FYN: variants seen among roughly 807,000 people sequenced by gnomAD.
FYN encodes FYN proto-oncogene, Src family tyrosine kinase, also known as tyrosine-protein kinase Fyn.
FYN carries 10 observed loss-of-function variants against 70.2 expected under a neutral mutation model. That is an observed-to-expected ratio of 0.14 (90% CI 0.09 to 0.24). The LOEUF is 0.24. FYN is among the 10% of genes least tolerant of loss of function. The pLI is 1.00. For synonymous variants in FYN, 236 were observed against 248.6 expected (o/e 0.95, Z 0.48); for missense variants, 319 against 673.1 (o/e 0.47, Z 5.82).
At chr6:111,679,639 C>T (rs1344342685) in intron 12 of FYN, among the ~76,000 whole-genome samples, 1 of 152,108 alleles carries the variant, frequency 6.6e-6, no homozygotes, top group East Asian at 1.9e-4. Context: ...GAGTCTTCTA[C>T]TTGTCCTTGG....
chr6:111,826,368 G>GTATGTGTATATGTATATGTATGTGTA (rs1306877651), intron 2 of FYN, among the ~76,000 whole-genome samples: 1 of 147,558 alleles, frequency 6.8e-6, no homozygotes, highest in Non-Finnish European at 1.5e-5. Context: ...GTGTATATGT[G>GTATGTGTATATGTATATGTATGTGTA]TATGTATGTG....
intron 2 of FYN, among the ~76,000 whole-genome samples, chr6:111,838,764 T>C (rs1773265316): frequency 2.0e-5 from 3 of 152,214 alleles, no homozygotes; most frequent in Admixed American, 1.3e-4. Context: ...TTGCTTTCAA[T>C]TGTAAATAAT....
At chr6:111,837,047 G>C (rs1247025031) in intron 2 of FYN, among the ~76,000 whole-genome samples, 1 of 152,032 alleles carries the variant, frequency 6.6e-6, no homozygotes, top group Admixed American at 6.6e-5. Context: ...ACCAGTTCAT[G>C]GGCCATATAT....
chr6:111,676,556 T>A (rs1798537808), intron 12 of FYN: 1 of 152,236 alleles, frequency 6.6e-6, no homozygotes, highest in Admixed American at 6.5e-5. Flanking sequence ...TCTGAGCCAC[T>A]GGGATTAATG....
intron 2 of FYN, among the ~76,000 whole-genome samples, chr6:111,804,133 G>A (rs868116002): frequency 6.6e-6 from 1 of 152,106 alleles, no homozygotes; most frequent in East Asian, 1.9e-4. Context: ...AAACCAAAAT[G>A]GAACATTTCA....
At chr6:111,806,786 A>C (rs1772163637) in intron 2 of FYN, among the ~76,000 whole-genome samples, 1 of 152,134 alleles carries the variant, frequency 6.6e-6, no homozygotes, top group African/African-American at 2.4e-5. Context: ...CATTATCTTC[A>C]TATCTTCCTA....
At chr6:111,734,811 A>AT (rs1182461914) in intron 3 of FYN, among the ~76,000 whole-genome samples, 2 of 152,284 alleles carry the variant, frequency 1.3e-5, no homozygotes, top group East Asian at 3.9e-4. Context: ...TTTTATTTAT[A>AT]TTCAGCCCCA....
chr6:111,747,673 A>T (rs1345213887), intron 3 of FYN, among the ~76,000 whole-genome samples: 2 of 152,206 alleles, frequency 1.3e-5, no homozygotes, highest in African/African-American at 4.8e-5. Context: ...CTAAAGACAC[A>T]ATGGAAACGA....
At chr6:111,789,224 A>G (rs1254847208) in intron 2 of FYN, among the ~76,000 whole-genome samples, 1 of 152,182 alleles carries the variant, frequency 6.6e-6, no homozygotes, top group African/African-American at 2.4e-5. Context: ...TGAGCAAGGC[A>G]CCAATATAAG....
chr6:111,681,989 C>A (rs1383299630), intron 12 of FYN, among the ~76,000 whole-genome samples: 2 of 152,186 alleles, frequency 1.3e-5, no homozygotes, highest in Non-Finnish European at 2.9e-5. Context: ...TTTACTAGTT[C>A]TTTCATAAGT....
chr6:111,836,715 C>A (rs1773199701), intron 2 of FYN, among the ~76,000 whole-genome samples: 1 of 152,184 alleles, frequency 6.6e-6, no homozygotes, highest in African/African-American at 2.4e-5. Flanking sequence ...TGAACCGTGA[C>A]TGTGTCACTG....
chr6:111,675,814 A>AAAAAAAAT (rs1798510272), intron 12 of FYN, among the ~76,000 whole-genome samples: 1 of 151,226 alleles, frequency 6.6e-6, no homozygotes, highest in African/African-American at 2.4e-5. Flanking sequence ...AAATAAAATA[A>AAAAAAAAT]AAATAAATAA....
At chr6:111,833,385 ATC>A (rs1281220008) in intron 2 of FYN, among the ~76,000 whole-genome samples, 2 of 152,244 alleles carry the variant, frequency 1.3e-5, no homozygotes, top group African/African-American at 4.8e-5. Context: ...CTGCGTAGAT[ATC>A]TGTTTTAAAA....
In FYN at chr6:111,702,944, T is replaced by C. The variant is rs1799907628; in HGVS notation, c.638A>G (p.Tyr213Cys). 1 of 1,614,148 alleles carries C rather than the reference T, an allele frequency of 6.2e-7. No homozygotes were observed. The highest frequency in any genetic ancestry group is 8.5e-7 in the Non-Finnish European group (1 of 1,179,996). ...YKIRKLDNGGYYITTRAQFET... is the reference protein window; with the variant it reads ...YKIRKLDNGGCYITTRAQFET... ...AAACTGGGCCCGGGTGGTAATGTAG[T>C]ATCCACCATTGTCAAGTTTGCGAAT... The change falls in exon 8 of 14, where the codon TAC becomes TGC. Residue 213 changes from tyrosine (Y) to cysteine (C), a missense_variant. Coordinates refer to ENST00000354650, the MANE Select transcript of FYN (RefSeq NM_002037.5).
chr6:111,862,092 T>C (rs1365662760), intron 1 of FYN, among the ~76,000 whole-genome samples: 3 of 152,316 alleles, frequency 2.0e-5, no homozygotes, highest in Middle Eastern at 3.4e-3. Flanking sequence ...GGCCCAACAA[T>C]ACTGGCAGTC....
intron 2 of FYN, among the ~76,000 whole-genome samples, chr6:111,824,868 A>G (rs147704840): frequency 1.3e-3 from 200 of 152,364 alleles, no homozygotes; most frequent in African/African-American, 4.6e-3. Flanking sequence ...TCAAGTTCAC[A>G]AATTCATAAA....
At chr6:111,773,921 G>A (rs932539134) in intron 3 of FYN, among the ~76,000 whole-genome samples, 11 of 152,172 alleles carry the variant, frequency 7.2e-5, no homozygotes, top group Non-Finnish European at 1.5e-4. Flanking sequence ...AACTCCAACA[G>A]CTCCTGTAAG....
chr6:111,809,339 T>C (rs1365947949), intron 2 of FYN, among the ~76,000 whole-genome samples: 1 of 152,224 alleles, frequency 6.6e-6, no homozygotes, highest in Non-Finnish European at 1.5e-5. Context: ...TTCTCTACTC[T>C]ATGGTTACCT....
At chr6:111,812,752 C>G (rs1051405616) in intron 2 of FYN, among the ~76,000 whole-genome samples, 1 of 151,586 alleles carries the variant, frequency 6.6e-6, no homozygotes, top group Non-Finnish European at 1.5e-5. Flanking sequence ...TTGAGTTAGT[C>G]ACATTTAACC....
Sources: allele counts gnomAD v4.1 joint callset (sites outside exome capture counted in the v4.1 genomes callset), GRCh38; gene constraint gnomAD v4.1.1; transcripts MANE v1.5; gene names NCBI Gene and HGNC (gene_info 2026-07-23, HGNC 2026-07-21).